Variants in DPY19L1 observed in about 807,000 individuals in gnomAD.
The protein encoded by DPY19L1 is dpy-19 like C-mannosyltransferase 1, also known as protein C-mannosyl-transferase DPY19L1.
A neutral mutation model predicts 96.9 loss-of-function variants in DPY19L1; 35 were observed. The observed-to-expected ratio is 0.36, with a 90% CI of 0.28 to 0.48. The LOEUF is 0.48. Among genes scored for constraint, DPY19L1 ranks in the 20% least tolerant of loss-of-function variants. DPY19L1 has a pLI of 0.99. For missense variants in DPY19L1, 521 were observed against 777.9 expected (o/e 0.67, Z 3.93); for synonymous variants, 205 against 252.6 (o/e 0.81, Z 1.79).
chr7:34,955,548 T>C (rs1181061252), intron 11 of DPY19L1, among the ~76,000 whole-genome samples, 181 bp from the exon 12 acceptor site: 1 of 152,198 alleles, frequency 6.6e-6, no homozygotes, highest in Non-Finnish European at 1.5e-5. Context: ...ATAGCCCTAT[T>C]ATCCAAAGTC....
intron 6 of DPY19L1, among the ~76,000 whole-genome samples, chr7:34,993,966 TGA>T (rs1331999135): frequency 1.3e-5 from 2 of 151,704 alleles, no homozygotes; most frequent in Non-Finnish European, 2.9e-5. Flanking sequence ...CTCAGGAGGC[TGA>T]GAGTCAAGAT....
At chr7:35,029,084 A>T (rs964810523) in intron 1 of DPY19L1, among the ~76,000 whole-genome samples, 16 of 152,104 alleles carry the variant, frequency 1.1e-4, no homozygotes, top group African/African-American at 3.9e-4. Flanking sequence ...CTCCCATCTT[A>T]TCCTGTGACT....
At chr7:35,036,642 A>T (rs965578571) in intron 1 of DPY19L1, among the ~76,000 whole-genome samples, 1 of 152,132 alleles carries the variant, frequency 6.6e-6, no homozygotes, top group Non-Finnish European at 1.5e-5. Flanking sequence ...TTTAATTATA[A>T]GTTTAAGCAA....
chr7:35,022,405 A>G (rs1404247329), intron 1 of DPY19L1, among the ~76,000 whole-genome samples: 1 of 152,238 alleles, frequency 6.6e-6, no homozygotes, highest in Non-Finnish European at 1.5e-5. Flanking sequence ...GGAAGCACAG[A>G]AATTACCTAC....
At chr7:35,021,765 G>T (rs1786000018) in intron 1 of DPY19L1, among the ~76,000 whole-genome samples, 1 of 152,078 alleles carries the variant, frequency 6.6e-6, no homozygotes. Flanking sequence ...TGGAACAGAT[G>T]AAACAAAAGC....
rs1228696923 is a variant in DPY19L1 at position 34,939,330 on chromosome 7, A to G, written c.1910T>C (p.Leu637Pro). 8.1e-6 allele frequency: 13 copies of G among 1,614,004 alleles called. No homozygotes were observed. The highest frequency in any genetic ancestry group is 1.0e-5 in the Non-Finnish European group (12 of 1,179,964). The change falls in exon 20 of 22, where the codon CTC becomes CCC. Residue 637 changes from leucine to proline, a missense_variant. Transcript: ENST00000638088. Reference protein sequence around the residue: ...GAMPTMASVKLSALRPIVNHP... With the variant: ...GAMPTMASVKPSALRPIVNHP... ...ATTCACAATGGGCCGAAGTGCAGAG[A>G]GCTTAACACTTGCCATCGTGGGCAT...
rs544842923 is a variant in DPY19L1, at chr7:35,010,477, G to A, written c.755C>T (p.Thr252Ile). ...ACTAAAATATTCTTACCTTAAATAT[G>A]TGCCATATATGAAGAATAATGCCAT... ...LMMALFFIYG[T>I]YLSGSRLGGL... is the part of the protein sequence containing the mutation. The change falls in exon 6 of 22, where the codon ACA becomes ATA. Residue 252 changes from threonine to isoleucine, a missense_variant. Transcript: ENST00000638088. 7.7e-6 allele frequency: 12 copies of A among 1,556,856 alleles called. No homozygotes were observed. The highest frequency in any genetic ancestry group is 3.5e-5 in the Admixed American group (2 of 57,118).
At chr7:34,966,688 C>A (rs1177731269) in intron 10 of DPY19L1, among the ~76,000 whole-genome samples, 1 of 152,148 alleles carries the variant, frequency 6.6e-6, no homozygotes, top group Non-Finnish European at 1.5e-5. Context: ...ATAAGTTGGG[C>A]ACAACTTCAA....
At chr7:34,997,490 G>T (rs1785316827) in intron 6 of DPY19L1, among the ~76,000 whole-genome samples, 1 of 147,058 alleles carries the variant, frequency 6.8e-6, no homozygotes, top group Non-Finnish European at 1.5e-5. Flanking sequence ...GGCGCCTGTA[G>T]TCCCAGCTAC....
In DPY19L1 at chr7:34,996,048, G is replaced by C. The variant is rs1157632364; in HGVS notation, c.765-6107C>G. Among the ~76,000 whole-genome samples, 11 of 152,350 alleles carry C rather than the reference G, an allele frequency of 7.2e-5. 1 individual carries two copies. The highest frequency in any genetic ancestry group is 7.2e-4 in the Admixed American group (11 of 15,304). ...GTCCTTTCCAGTCTGTTTCAAGCAA[G>C]TGATTAACGCCGTTAATTTAACTCT... On this transcript the variant is annotated intron_variant, in intron 6 of 21. Coordinates refer to ENST00000638088, the MANE Select transcript of DPY19L1 (RefSeq NM_001366673.1).
In DPY19L1 at chr7:35,018,644, C is replaced by T. The variant is rs144968671; in HGVS notation, c.299-48G>A. ...ATTAGAATTTTAGCATAAACATGTTCATCTTACAGAAAAGCCATTTCAAAG... is the reference window on the plus strand; with the variant it reads ...ATTAGAATTTTAGCATAAACATGTTTATCTTACAGAAAAGCCATTTCAAAG... On this transcript the variant is annotated intron_variant, in intron 1 of 21. Transcript: ENST00000638088. 2.5e-4 allele frequency: 381 copies of T among 1,516,084 alleles called. 3 individuals are homozygous for T. The African/African-American group carries it at 4.8e-3, about 19-fold the overall frequency. The allele number at this position is 1,516,084 out of a possible 1,614,324, so 93.9% of individuals were successfully genotyped here.
At chr7:34,932,823 G>A (rs1219997365) in intron 21 of DPY19L1, among the ~76,000 whole-genome samples, 1 of 152,020 alleles carries the variant, frequency 6.6e-6, no homozygotes, top group Non-Finnish European at 1.5e-5. Context: ...AAATTATAGA[G>A]AATTGACAAC....
intron 21 of DPY19L1, 107 bp from the exon 22 acceptor site, chr7:34,931,836 T>A: frequency 7.0e-7 from 1 of 1,422,492 alleles, no homozygotes; most frequent in Non-Finnish European, 9.3e-7. Context: ...TCCCCTTAAA[T>A]TACTTTAGTT....
At chr7:34,973,386 T>A (rs558500523) in intron 8 of DPY19L1, 128 bp downstream of exon 8, 2 of 486,076 alleles carry the variant, frequency 4.1e-6, no homozygotes, top group East Asian at 7.5e-5. Flanking sequence ...TACACTCTTA[T>A]AATATTTTTA....
intron 1 of DPY19L1, among the ~76,000 whole-genome samples, chr7:35,030,107 C>T (rs1278233151): frequency 6.6e-6 from 1 of 152,108 alleles, no homozygotes; most frequent in Non-Finnish European, 1.5e-5. Flanking sequence ...ACTTTTTAAA[C>T]TTAGCGGAAA....
chr7:34,979,355 A>T (rs1047400776), intron 7 of DPY19L1, among the ~76,000 whole-genome samples: 2 of 152,162 alleles, frequency 1.3e-5, no homozygotes, highest in Admixed American at 1.3e-4. Context: ...AAATGAAAGC[A>T]TTAACCAAGA....
chr7:34,955,759 T>C (rs1201386888), intron 11 of DPY19L1, among the ~76,000 whole-genome samples: 1 of 152,188 alleles, frequency 6.6e-6, no homozygotes, highest in Non-Finnish European at 1.5e-5. Flanking sequence ...AAATGAAATG[T>C]TAATGGATCA....
At position 35,010,535 on chromosome 7, in the gene DPY19L1, C is replaced by T. The variant is rs1187573708; in HGVS notation, c.697G>A (p.Val233Ile). The change falls in exon 6 of 22, where the codon GTT becomes ATT. Residue 233 changes from valine to isoleucine, a missense_variant. Physicochemically the swap from Val to Ile is conservative, Grantham distance 29. Transcript: ENST00000638088. ...EGLGDPACFY[V>I]AVIFILNGLM... ...CCATTTAAAATAAAAATTACAGCAA[C>T]ATAAAAGCAAGCAGGATCTCCCAAT... 1.2e-6 allele frequency: 2 copies of T among 1,609,740 alleles called. No homozygotes were observed. Among genetic ancestry groups the T allele is most frequent in the Admixed American group, 3.4e-5 (2 of 59,536 alleles).
chr7:35,016,712 A>G (rs1785856051), intron 3 of DPY19L1, among the ~76,000 whole-genome samples: 1 of 152,222 alleles, frequency 6.6e-6, no homozygotes, highest in African/African-American at 2.4e-5. Context: ...GCCTGATACA[A>G]TAGAAGTATA....
Sources: gnomAD v4.1 joint callset for allele counts (sites outside exome capture counted in the v4.1 genomes callset) on GRCh38, gnomAD v4.1.1 for gene constraint, MANE v1.5 for transcripts, NCBI Gene and HGNC (gene_info 2026-07-23, HGNC 2026-07-21) for gene names.